Variants in TAFA1 observed in about 807,000 individuals in gnomAD.
The protein encoded by TAFA1 is chemokine-like protein TAFA-1.
A neutral mutation model predicts 18.5 loss-of-function variants in TAFA1; 4 were observed. The observed-to-expected ratio is 0.22, with a 90% confidence interval of 0.11 to 0.49. The LOEUF (loss-of-function observed/expected upper bound fraction) is 0.49. TAFA1 is among the 20% of genes least tolerant of loss of function. The pLI, the probability that TAFA1 is intolerant of heterozygous loss-of-function variation, is 0.98. For missense variants in TAFA1, 147 were observed against 169.0 expected, an observed-to-expected ratio of 0.87 and a Z score of 0.72; for synonymous variants, 56 against 55.2, an observed-to-expected ratio of 1.01 and a Z score of -0.06.
At chr3:68,124,994 G>A (rs1001979128) in intron 2 of TAFA1, among the ~76,000 whole-genome samples, 11 of 152,304 alleles carry the variant, frequency 7.2e-5, no homozygotes, top group African/African-American at 2.4e-4. Context: ...TCCACTTGGC[G>A]TTGACTGAGA....
chr3:68,488,836 C>A (rs2072397388), intron 3 of TAFA1, among the ~76,000 whole-genome samples: 1 of 152,102 alleles, frequency 6.6e-6, no homozygotes, highest in South Asian at 2.1e-4. Context: ...TTTAATTTTT[C>A]TGTGCCTCAT....
At chr3:68,121,382 C>T (rs763331325) in intron 2 of TAFA1, among the ~76,000 whole-genome samples, 6 of 151,980 alleles carry the variant, frequency 3.9e-5, no homozygotes, top group South Asian at 2.1e-4. Flanking sequence ...GAAAATAAGA[C>T]GATTTCCCTG....
At chr3:68,115,334 A>C (rs2065312245) in intron 2 of TAFA1, among the ~76,000 whole-genome samples, 1 of 152,204 alleles carries the variant, frequency 6.6e-6, no homozygotes, top group Non-Finnish European at 1.5e-5. Flanking sequence ...TCTGTTGCTT[A>C]CAACCCAATC....
intron 2 of TAFA1, among the ~76,000 whole-genome samples, chr3:68,060,440 T>A (rs1203353458): frequency 2.0e-5 from 3 of 152,162 alleles, no homozygotes; most frequent in African/African-American, 7.2e-5. Flanking sequence ...GGGGCAGATA[T>A]TTTTAAAGAA....
chr3:68,079,045 G>T (rs1332521116), intron 2 of TAFA1, among the ~76,000 whole-genome samples: 3 of 152,076 alleles, frequency 2.0e-5, no homozygotes, highest in South Asian at 4.1e-4. Flanking sequence ...CTTGGTAGAG[G>T]GTATGTGTCC....
chr3:68,096,424 A>G (rs2065087572), intron 2 of TAFA1, among the ~76,000 whole-genome samples: 1 of 152,158 alleles, frequency 6.6e-6, no homozygotes, highest in South Asian at 2.1e-4. Context: ...TTCTCATTTT[A>G]CAGATCAGGA....
chr3:68,097,829 A>G (rs1337717544), intron 2 of TAFA1, among the ~76,000 whole-genome samples: 1 of 152,168 alleles, frequency 6.6e-6, no homozygotes, highest in Admixed American at 6.6e-5. Context: ...GATTTCCTGC[A>G]GGGAAGGGAA....
intron 2 of TAFA1, among the ~76,000 whole-genome samples, chr3:68,330,088 A>G (rs952279719): frequency 3.9e-5 from 6 of 152,202 alleles, no homozygotes; most frequent in African/African-American, 1.2e-4. Context: ...GTGTATCAGT[A>G]CCACTTATAT....
intron 2 of TAFA1, among the ~76,000 whole-genome samples, chr3:68,192,148 C>T (rs1170351419): frequency 6.6e-6 from 1 of 151,826 alleles, no homozygotes; most frequent in Non-Finnish European, 1.5e-5. Context: ...TGAGTAACTA[C>T]TAGGTACCAG....
At chr3:68,159,885 T>C (rs1393988783) in intron 2 of TAFA1, among the ~76,000 whole-genome samples, 3 of 152,208 alleles carry the variant, frequency 2.0e-5, no homozygotes, top group Non-Finnish European at 4.4e-5. Context: ...GCATCCTCTT[T>C]CTGCTGCAAA....
intron 2 of TAFA1, among the ~76,000 whole-genome samples, chr3:68,227,252 T>C (rs527799709): frequency 6.6e-6 from 1 of 152,360 alleles, no homozygotes; most frequent in Admixed American, 6.5e-5. Context: ...TAGCAATCTC[T>C]GTTTAGGTTT....
intron 2 of TAFA1, among the ~76,000 whole-genome samples, chr3:68,062,029 A>G (rs1490605523): frequency 3.3e-5 from 5 of 152,154 alleles, no homozygotes; most frequent in African/African-American, 7.2e-5. Flanking sequence ...TATACTAGAC[A>G]TAAGTATGTG....
chr3:68,310,301 C>T (rs1444671703), intron 2 of TAFA1, among the ~76,000 whole-genome samples: 6 of 152,162 alleles, frequency 3.9e-5, no homozygotes, highest in South Asian at 4.2e-4. Context: ...GCAAAGGTCT[C>T]GGCTTCTCAA....
chr3:68,173,462 G>T (rs1369817454), intron 2 of TAFA1, among the ~76,000 whole-genome samples: 4 of 152,062 alleles, frequency 2.6e-5, no homozygotes, highest in Non-Finnish European at 5.9e-5. Context: ...TCACAACTTT[G>T]ACATTATGTC....
intron 2 of TAFA1, among the ~76,000 whole-genome samples, chr3:68,068,905 C>T (rs576843936): frequency 2.6e-5 from 4 of 152,226 alleles, no homozygotes; most frequent in South Asian, 4.1e-4. Context: ...GATTTAATCC[C>T]CATATTATTG....
intron 2 of TAFA1, among the ~76,000 whole-genome samples, chr3:68,151,183 A>G (rs1454307638): frequency 6.6e-6 from 1 of 152,130 alleles, no homozygotes; most frequent in Non-Finnish European, 1.5e-5. Context: ...TTGTATAGCC[A>G]TAACTGTTAC....
intron 2 of TAFA1, among the ~76,000 whole-genome samples, chr3:68,102,488 T>G (rs1329068616): frequency 6.6e-6 from 1 of 152,198 alleles, no homozygotes. Flanking sequence ...TTAATGTGAA[T>G]TAACCGTTAA....
chr3:68,190,717 T>C (rs1021360371), intron 2 of TAFA1, among the ~76,000 whole-genome samples: 1 of 151,808 alleles, frequency 6.6e-6, no homozygotes, highest in African/African-American at 2.4e-5. Context: ...TGGGAGGAGT[T>C]TGTGAGAACA....
chr3:68,061,480 T>C (rs918500746), intron 2 of TAFA1, among the ~76,000 whole-genome samples: 1 of 152,142 alleles, frequency 6.6e-6, no homozygotes, highest in Non-Finnish European at 1.5e-5. Context: ...TGGGAATCAG[T>C]GCAGGGATAC....
Sources: allele counts gnomAD v4.1 joint callset (sites outside exome capture counted in the v4.1 genomes callset), GRCh38; gene constraint gnomAD v4.1.1; transcripts MANE v1.5; gene names NCBI Gene and HGNC (gene_info 2026-07-23, HGNC 2026-07-21).